The following COL4A2 variants were observed in gnomAD, a reference collection of about 807,000 sequenced individuals.
COL4A2 encodes collagen type IV alpha 2 chain.
A neutral mutation model predicts 200.2 loss-of-function variants in COL4A2; 99 were observed. The ratio of observed to expected loss-of-function variants is 0.49; its 90% confidence interval spans 0.42 to 0.58. The LOEUF (loss-of-function observed/expected upper bound fraction) is 0.58. Among genes scored for constraint, COL4A2 ranks in the 20% least tolerant of loss-of-function variants. The pLI, the probability that COL4A2 is intolerant of heterozygous loss-of-function variation, is 0.00. For missense variants in COL4A2, 1,950 were observed against 2,314.1 expected (o/e 0.84, Z 3.23); for synonymous variants, 897 against 900.6 (o/e 1.00, Z 0.07).
intron 4 of COL4A2, among the ~76,000 whole-genome samples, chr13:110,405,643 A>C (rs1879538375): frequency 6.6e-6 from 1 of 152,244 alleles, no homozygotes; most frequent in Admixed American, 6.5e-5. Context: ...AATGTGTTTG[A>C]GTTGCCCTTT....
At chr13:110,484,529 G>A (rs1566561074) in intron 32 of COL4A2, among the ~76,000 whole-genome samples, 1 of 152,096 alleles carries the variant, frequency 6.6e-6, no homozygotes, top group Non-Finnish European at 1.5e-5. Context: ...CTGCCTCACG[G>A]GCCTTCCTGC....
chr13:110,410,732 A>G (rs528137913), intron 4 of COL4A2, among the ~76,000 whole-genome samples: 1 of 152,210 alleles, frequency 6.6e-6, no homozygotes, highest in African/African-American at 2.4e-5. Context: ...TCTGGTGGAA[A>G]GATCATCAGA....
intron 34 of COL4A2, among the ~76,000 whole-genome samples, chr13:110,487,901 G>A (rs190300673): frequency 6.6e-6 from 1 of 152,324 alleles, no homozygotes; most frequent in East Asian, 1.9e-4. Flanking sequence ...AAGATGAGTG[G>A]ACATTACTGT....
chr13:110,354,626 G>GTT (rs58713084), intron 3 of COL4A2, among the ~76,000 whole-genome samples: 7,859 of 144,552 alleles, frequency 0.054, 716 homozygotes, highest in African/African-American at 0.18. Flanking sequence ...ACTTTTTGGA[G>GTT]TTTTTTTTTT....
At chr13:110,499,538 G>A (rs552178651) in intron 40 of COL4A2, among the ~76,000 whole-genome samples, 1 of 152,256 alleles carries the variant, frequency 6.6e-6, no homozygotes, top group Admixed American at 6.5e-5. Context: ...ATTTGGGTGG[G>A]GACACAGCCA....
intron 16 of COL4A2, among the ~76,000 whole-genome samples, chr13:110,440,891 A>G (rs1233088785): frequency 1.3e-5 from 2 of 152,160 alleles, no homozygotes; most frequent in East Asian, 3.9e-4. Flanking sequence ...CGGAGCAACA[A>G]AAGAAATGTG....
At chr13:110,371,481 T>G (rs1878004907) in intron 4 of COL4A2, among the ~76,000 whole-genome samples, 1 of 152,204 alleles carries the variant, frequency 6.6e-6, no homozygotes, top group African/African-American at 2.4e-5. Flanking sequence ...CAACCTCCAG[T>G]GCTCAACATA....
In COL4A2 at chr13:110,513,161, C is replaced by T. The variant is rs1393912457; in HGVS notation, c.*970C>T. 6.6e-6 allele frequency: 1 copy of T among 152,156 alleles called. No homozygotes were observed. The highest frequency in any genetic ancestry group is 1.9e-4 in the East Asian group (1 of 5,202). 9.4% of individuals were successfully genotyped at this position (152,156 alleles called of 1,614,324 possible). ...AGAGTTGAACCCATTCGTGGTATTACAGCCATTTCTCGGGGAATGTGTTTG... is the reference window on the plus strand; with the variant it reads ...AGAGTTGAACCCATTCGTGGTATTATAGCCATTTCTCGGGGAATGTGTTTG... On this transcript the variant is annotated 3_prime_UTR_variant, in exon 48 of 48. Coordinates refer to ENST00000360467, the MANE Select transcript of COL4A2 (RefSeq NM_001846.4).
chr13:110,424,901 T>G (rs1216855373), intron 5 of COL4A2, 33 bp downstream of exon 5: 1 of 1,614,186 alleles, frequency 6.2e-7, no homozygotes, highest in Non-Finnish European at 8.5e-7. Flanking sequence ...CCTGGCCTCA[T>G]GAGGGTGGCG....
intron 4 of COL4A2, among the ~76,000 whole-genome samples, chr13:110,419,821 T>C (rs1251614951): frequency 1.3e-5 from 2 of 152,200 alleles, no homozygotes; most frequent in African/African-American, 4.8e-5. Flanking sequence ...CACTGAAGTA[T>C]AAGGCCAAGA....
chr13:110,479,148 C>T lies in COL4A2; in HGVS notation c.2587+984C>T, dbSNP rs1028917164. Among the ~76,000 whole-genome samples the T allele has an allele frequency of 6.6e-5, 10 of 152,338 alleles. No individual in the cohort carries two copies. The South Asian group carries it at 1.7e-3, about 25-fold the overall frequency. ...GCTCCTATCTCAGTATCGACAGGGC[C>T]GTGCTGGTTCTCAACTACTGAGAAT... On this transcript the variant is annotated intron_variant, in intron 30 of 47. Coordinates refer to ENST00000360467, the MANE Select transcript of COL4A2 (RefSeq NM_001846.4).
At chr13:110,333,790 A>G (rs987677407) in intron 3 of COL4A2, among the ~76,000 whole-genome samples, 22 of 152,178 alleles carry the variant, frequency 1.4e-4, no homozygotes, top group African/African-American at 5.1e-4. Context: ...GTTTTGTTGT[A>G]TAGTTATGAT....
At chr13:110,500,261 C>T (rs1378754084) in intron 40 of COL4A2, among the ~76,000 whole-genome samples, 1 of 152,172 alleles carries the variant, frequency 6.6e-6, no homozygotes, top group Admixed American at 6.5e-5. Flanking sequence ...ACTGTTTCGC[C>T]CAGCTCACTA....
intron 11 of COL4A2, among the ~76,000 whole-genome samples, chr13:110,434,037 A>T (rs1880781335): frequency 6.6e-6 from 1 of 152,192 alleles, no homozygotes; most frequent in African/African-American, 2.4e-5. Context: ...AGAAAAGACG[A>T]ATCATGATCT....
At chr13:110,415,470 A>G (rs1249477810) in intron 4 of COL4A2, among the ~76,000 whole-genome samples, 1 of 152,168 alleles carries the variant, frequency 6.6e-6, no homozygotes, top group Non-Finnish European at 1.5e-5. Context: ...ATAAGAGGGG[A>G]AAAAAGCTGT....
chr13:110,370,002 G>A (rs560880325), intron 4 of COL4A2, among the ~76,000 whole-genome samples: 14 of 152,188 alleles, frequency 9.2e-5, no homozygotes, highest in East Asian at 1.9e-4. Flanking sequence ...TGTTCTGAGC[G>A]TCTCACTTTC....
chr13:110,364,046 A>C (rs1378945101), intron 4 of COL4A2, among the ~76,000 whole-genome samples: 1 of 152,226 alleles, frequency 6.6e-6, no homozygotes, highest in Admixed American at 6.5e-5. Flanking sequence ...GAATAAAAAC[A>C]TCAGTGCTGC....
At chr13:110,489,907 G>T (rs1883230416) in intron 36 of COL4A2, 122 bp downstream of exon 36, 1 of 973,864 alleles carries the variant, frequency 1.0e-6, no homozygotes, top group Admixed American at 2.5e-5. Flanking sequence ...AGTGAATGAG[G>T]TCTTCAAGTC....
In COL4A2 at chr13:110,462,180, A is replaced by G; in HGVS notation, c.1663A>G (p.Thr555Ala). ...GAKGDSRTIT[T>A]KGERGQPGVP... ...AAAAGGAGATTCCAGAACAATCACA[A>G]CCAAAGGTGAGTTCCTCTCTGGCCA... is the stretch of plus-strand genomic sequence containing the variant. The change falls in exon 23 of 48, where the codon ACC becomes GCC. Residue 555 changes from threonine to alanine, a missense_variant. Coordinates refer to ENST00000360467, the MANE Select transcript of COL4A2 (RefSeq NM_001846.4). The G allele has an allele frequency of 1.2e-6, 2 of 1,614,268 alleles. No individual in the cohort carries two copies. The highest frequency in any genetic ancestry group is 1.1e-5 in the South Asian group (1 of 91,090).
Sources: allele counts gnomAD v4.1 joint callset (sites outside exome capture counted in the v4.1 genomes callset), GRCh38; gene constraint gnomAD v4.1.1; transcripts MANE v1.5; gene names NCBI Gene and HGNC (gene_info 2026-07-23, HGNC 2026-07-21).